Variants in HACE1 observed in about 807,000 individuals in gnomAD.
The protein encoded by HACE1 is HECT domain and ankyrin repeat containing E3 ubiquitin protein ligase 1.
A neutral mutation model predicts 118.4 loss-of-function variants in HACE1; 73 were observed. The observed-to-expected ratio is 0.62, with a 90% CI of 0.51 to 0.75. The LOEUF (loss-of-function observed/expected upper bound fraction) is 0.75. Ranked by LOEUF, HACE1 falls within the 30% of genes least tolerant of loss-of-function variation. HACE1 has a pLI of 0.00. For synonymous variants in HACE1, 368 were observed against 374.8 expected (o/e 0.98, Z 0.21); for missense variants, 749 against 1,102.2 (o/e 0.68, Z 4.54).
At chr6:104,774,152 G>C (rs540156468) in intron 17 of HACE1, among the ~76,000 whole-genome samples, 8 of 86,322 alleles carry the variant, frequency 9.3e-5, no homozygotes, top group Non-Finnish European at 1.5e-4. Flanking sequence ...TGCAGTGGCG[G>C]GATCTCGGCT....
chr6:104,800,241 T>C (rs1770167199), intron 7 of HACE1, among the ~76,000 whole-genome samples: 1 of 152,010 alleles, frequency 6.6e-6, no homozygotes, highest in Non-Finnish European at 1.5e-5. Context: ...CCACTGCAGC[T>C]CAGCAAGGCC....
At chr6:104,733,646 A>T (rs537717728) in intron 22 of HACE1, among the ~76,000 whole-genome samples, 6 of 151,692 alleles carry the variant, frequency 4.0e-5, no homozygotes, top group Admixed American at 2.6e-4. Context: ...TGAGATCAGT[A>T]GGGACCAGAC....
chr6:104,784,895 T>G, intron 12 of HACE1, 90 bp downstream of exon 12: 1 of 856,238 alleles, frequency 1.2e-6, no homozygotes, highest in Non-Finnish European at 1.9e-6. Flanking sequence ...ATCAACAAAT[T>G]ATTATTTGTT....
chr6:104,735,003 A>G (rs770557937), intron 22 of HACE1, among the ~76,000 whole-genome samples: 3 of 152,126 alleles, frequency 2.0e-5, no homozygotes, highest in Non-Finnish European at 4.4e-5. Flanking sequence ...TGGAATGTAA[A>G]AACAGAAATT....
intron 5 of HACE1, among the ~76,000 whole-genome samples, chr6:104,840,963 C>A (rs1046565410): frequency 6.6e-6 from 1 of 151,244 alleles, no homozygotes; most frequent in Non-Finnish European, 1.5e-5. Flanking sequence ...AACTCTGTCT[C>A]AAAAAATATT....
At chr6:104,755,475 A>G (rs1459770462) in intron 19 of HACE1, among the ~76,000 whole-genome samples, 1 of 152,250 alleles carries the variant, frequency 6.6e-6, no homozygotes, top group Non-Finnish European at 1.5e-5. Flanking sequence ...AACAGAATAT[A>G]CATTCTTCTC....
intron 22 of HACE1, among the ~76,000 whole-genome samples, chr6:104,740,126 A>G (rs955598066): frequency 2.0e-5 from 3 of 149,252 alleles, no homozygotes; most frequent in African/African-American, 7.6e-5. Flanking sequence ...CAATGAGAAC[A>G]ACGACACAAC....
At chr6:104,766,670 C>T (rs942379066) in intron 19 of HACE1, among the ~76,000 whole-genome samples, 1 of 152,208 alleles carries the variant, frequency 6.6e-6, no homozygotes, top group Non-Finnish European at 1.5e-5. Context: ...ACTTTGTTCA[C>T]ATTCACTGCC....
chr6:104,803,395 G>A (rs891342957), intron 7 of HACE1, among the ~76,000 whole-genome samples: 3 of 152,094 alleles, frequency 2.0e-5, no homozygotes, highest in African/African-American at 4.8e-5. Flanking sequence ...ACCAAAGCCT[G>A]GCAGAGACAC....
intron 19 of HACE1, among the ~76,000 whole-genome samples, chr6:104,751,473 G>A (rs1333007212): frequency 1.3e-5 from 2 of 151,972 alleles, no homozygotes; most frequent in Non-Finnish European, 2.9e-5. Flanking sequence ...AAATTTAACT[G>A]GTAATAAGCA....
chr6:104,832,960 A>G lies in HACE1; in HGVS notation c.534+82T>C, dbSNP rs892991689. On this transcript the variant is annotated intron_variant, in intron 6 of 23. Coordinates refer to ENST00000262903, the MANE Select transcript of HACE1 (RefSeq NM_020771.4). ...TTGCTATAATGCTTCATGTTCCCAA[A>G]TATGCACAATGAAAAACTTTTCATG... 7 of 1,274,980 alleles carry G rather than the reference A, an allele frequency of 5.5e-6. No homozygotes were observed. The African/African-American group carries it at 8.7e-5, about 16-fold the overall frequency. 79.0% of individuals were successfully genotyped at this position (1,274,980 alleles called of 1,614,324 possible).
chr6:104,767,412 T>A (rs1780129070), intron 19 of HACE1, among the ~76,000 whole-genome samples: 1 of 152,128 alleles, frequency 6.6e-6, no homozygotes. Flanking sequence ...CTTACATAAT[T>A]CTTCATGCAT....
chr6:104,856,676 C>A (rs1776751982), intron 1 of HACE1, among the ~76,000 whole-genome samples: 1 of 152,124 alleles, frequency 6.6e-6, no homozygotes. Context: ...CTCAGGTGAT[C>A]CACCCACGTC....
intron 7 of HACE1, among the ~76,000 whole-genome samples, chr6:104,804,370 A>G (rs1354567254): frequency 6.6e-6 from 1 of 152,206 alleles, no homozygotes; most frequent in Non-Finnish European, 1.5e-5. Context: ...ACTACTTTAA[A>G]GTTCATATGG....
intron 7 of HACE1, among the ~76,000 whole-genome samples, chr6:104,797,404 C>A (rs1178588147): frequency 6.6e-6 from 1 of 151,258 alleles, no homozygotes; most frequent in Admixed American, 6.6e-5. Flanking sequence ...CTACCACACA[C>A]ATCCAAGTCT....
rs1212863523 is a variant in HACE1 at position 104,765,538 on chromosome 6, T to C, written c.2211+5655A>G. 2.6e-5 allele frequency among the ~76,000 whole-genome samples: 4 copies of C among 152,240 alleles called. No individual in the cohort carries two copies. In the South Asian group the frequency reaches 8.3e-4, roughly 31 times the overall value. On this transcript the variant is annotated intron_variant, in intron 19 of 23. Coordinates refer to ENST00000262903, the MANE Select transcript of HACE1 (RefSeq NM_020771.4). ...CATCAGATTTTCATCAGCAATGACC[T>C]TGGCAAATTCCTCACTGAATTTCAC...
At chr6:104,802,035 A>G (rs1481025845) in intron 7 of HACE1, among the ~76,000 whole-genome samples, 3 of 137,438 alleles carry the variant, frequency 2.2e-5, no homozygotes, top group Non-Finnish European at 4.5e-5. Flanking sequence ...CGAAAAGCCA[A>G]AAAAAAAAAA....
chr6:104,838,977 T>G (rs1774827382), intron 5 of HACE1, among the ~76,000 whole-genome samples: 1 of 147,374 alleles, frequency 6.8e-6, no homozygotes, highest in Non-Finnish European at 1.5e-5. Context: ...GACATACAAC[T>G]GGAAAACAGG....
At chr6:104,750,033 T>C (rs1777866537) in intron 20 of HACE1, among the ~76,000 whole-genome samples, 1 of 152,108 alleles carries the variant, frequency 6.6e-6, no homozygotes, top group Admixed American at 6.6e-5. Context: ...AGAAATAATG[T>C]AGAATACTGT....
Sources: allele counts gnomAD v4.1 joint callset (sites outside exome capture counted in the v4.1 genomes callset), GRCh38; gene constraint gnomAD v4.1.1; transcripts MANE v1.5; gene names NCBI Gene and HGNC (gene_info 2026-07-23, HGNC 2026-07-21).